CPSF1: variants seen among roughly 807,000 people sequenced by gnomAD.
CPSF1 encodes cleavage and polyadenylation specific factor 1.
Under a neutral mutation model 175.8 loss-of-function variants are expected in CPSF1, and 106 were observed. The observed-to-expected ratio is 0.60, with a 90% CI of 0.52 to 0.71. The LOEUF is 0.71. CPSF1 is among the 30% of genes least tolerant of loss of function. The pLI, the probability that CPSF1 is intolerant of heterozygous loss-of-function variation, is 0.00. For synonymous variants in CPSF1, 1,024 were observed against 858.3 expected, an observed-to-expected ratio of 1.19 and a Z score of -3.37; for missense variants, 1,734 against 2,022.9, an observed-to-expected ratio of 0.86 and a Z score of 2.74.
chr8:144,401,324 C>G, intron 4 of CPSF1, 33 bp from the exon 5 acceptor site: 1 of 1,595,568 alleles, frequency 6.3e-7, no homozygotes, highest in Non-Finnish European at 8.5e-7. Flanking sequence ...TGGCTGCCGA[C>G]TGCCGGTCCT....
Position 144,398,430 on chromosome 8 carries a change from C to G in CPSF1, c.1766G>C (p.Gly589Ala). 1 of 1,613,836 alleles carries G rather than the reference C, an allele frequency of 6.2e-7. No individual in the cohort carries two copies. Among genetic ancestry groups the G allele is most frequent in the Non-Finnish European group, 8.5e-7 (1 of 1,179,986 alleles). The change falls in exon 19 of 38, where the codon GGG (glycine) becomes GCG (alanine). Residue 589 changes from glycine to alanine, a missense_variant. Physicochemically the swap from Gly to Ala is moderately conservative, Grantham distance 60 (BLOSUM62 0). Around this residue, in one of 10 missense-constraint regions of CPSF1, gnomAD observed 280 missense variants for 349.2 expected, o/e 0.80. Transcript: ENST00000616140. ...GGTGTCCAGCTCCATGATCTCCTGC[C>G]CCGTCTGCAGGATCTGCGGGCGACA... ...REDSTMILQT[G>A]QEIMELDTSG...
chr8:144,401,410 CCACCAAGCCTACCA>C lies in CPSF1; in HGVS notation c.306+6_306+19del. ...CTCCCACGCCTTGGCCAGGCCTACCCCACCAAGCCTACCACTCACCTTGGCATCCTTGAAGCTTA... is the reference window on the plus strand; with the variant it reads ...CTCCCACGCCTTGGCCAGGCCTACCCCTCACCTTGGCATCCTTGAAGCTTA... On this transcript the variant is annotated splice_donor_region_variant and intron_variant, in intron 4 of 37. Coordinates refer to ENST00000616140, the MANE Select transcript of CPSF1 (RefSeq NM_013291.3). 6.2e-7 allele frequency: 1 copy of C among 1,613,780 alleles called. No homozygotes were observed. The highest frequency in any genetic ancestry group is 8.5e-7 in the Non-Finnish European group (1 of 1,179,874).
At chr8:144,398,476 C>T (rs2116850216) in intron 18 of CPSF1, 33 bp from the exon 19 acceptor site, 26 of 1,610,958 alleles carry the variant, frequency 1.6e-5, no homozygotes, top group East Asian at 6.7e-5. Context: ...AGGCGCCCCC[C>T]GCAGGGGACC....
intron 9 of CPSF1, 31 bp downstream of exon 9, chr8:144,400,135 G>GGGGGCCCCCCCCCCCCCCCCCCCCCCCC: frequency 1.2e-5 from 11 of 896,000 alleles, no homozygotes; most frequent in Non-Finnish European, 1.6e-5. Flanking sequence ...CCGTCCCCGG[G>GGGGGCCCCCCCCCCCCCCCCCCCCCCCC]CCCCCCCCGC....
In CPSF1 at chr8:144,396,811, C is replaced by T. The variant is rs1554863980; in HGVS notation, c.2682+29G>A. On this transcript the variant is annotated intron_variant, in intron 24 of 37. Transcript: ENST00000616140. Reference sequence around the variant, plus strand: ...ACCCACACCTTGTACCACACCCACCCCACGCCCCAGCAGTCCAGCCACTGG... The same window carrying T: ...ACCCACACCTTGTACCACACCCACCTCACGCCCCAGCAGTCCAGCCACTGG... The T allele has an allele frequency of 1.9e-6, 3 of 1,613,196 alleles. No homozygotes were observed. The African/African-American group carries it at 4.0e-5, about 22-fold the overall frequency.
rs1040728104 is a variant in CPSF1 at position 144,398,333 on chromosome 8, C to T, written c.1863G>A (p.Val621=). 5 of 1,443,708 alleles carry T rather than the reference C, an allele frequency of 3.5e-6. No individual in the cohort carries two copies. Among genetic ancestry groups the T allele is most frequent in the Non-Finnish European group, 3.7e-6 (4 of 1,067,768 alleles). 89.4% of individuals were successfully genotyped at this position (1,443,708 alleles called of 1,614,324 possible). Reference sequence around the variant, plus strand: ...CCAGCAGGCGGATGCCCAGTGGTGACACTTGGACAATGTAGCGGTTGTCCC... The same window carrying T: ...CCAGCAGGCGGATGCCCAGTGGTGATACTTGGACAATGTAGCGGTTGTCCC... ...NIGDNRYIVQ[V]SPLGIRLLEG... Residue 621 remains valine, a synonymous_variant, in exon 19 of 38, where the codon GTG becomes GTA. Coordinates refer to ENST00000616140, the MANE Select transcript of CPSF1 (RefSeq NM_013291.3).
At position 144,399,458 on chromosome 8, in the gene CPSF1, A is replaced by G; in HGVS notation, c.1288T>C (p.Trp430Arg). Reference protein sequence around the residue: ...KKKRVDATAGWSAAGKSVPQD... With the variant: ...KKKRVDATAGRSAAGKSVPQD... ...GCCCTGGACCGGCCCTCACCTGACCAGCCGGCCGTCGCATCCACTCGCTTC... is the reference window on the plus strand; with the variant it reads ...GCCCTGGACCGGCCCTCACCTGACCGGCCGGCCGTCGCATCCACTCGCTTC... The change falls in exon 13 of 38, where the codon TGG (tryptophan) becomes CGG (arginine). Residue 430 changes from tryptophan (W) to arginine (R), a missense_variant. Trp to Arg is a moderately radical substitution (Grantham distance 101, BLOSUM62 -3). This residue lies in a region of CPSF1 where 162 missense variants were observed against 169.5 expected (regional missense o/e 0.96). Coordinates refer to ENST00000616140, the MANE Select transcript of CPSF1 (RefSeq NM_013291.3). The surrounding 1 kb of genome is among the most constrained non-coding windows in gnomAD (Gnocchi z 6.4). The G allele has an allele frequency of 1.2e-6, 2 of 1,612,944 alleles. No homozygotes were observed. Among genetic ancestry groups the G allele is most frequent in the Non-Finnish European group, 1.7e-6 (2 of 1,179,966 alleles).
At chr8:144,407,060 G>A (rs1821535862) in intron 2 of CPSF1, among the ~76,000 whole-genome samples, 1 of 151,924 alleles carries the variant, frequency 6.6e-6, no homozygotes, top group African/African-American at 2.4e-5. Flanking sequence ...GATTACAGAT[G>A]CCTGCCACCA....
Position 144,393,708 on chromosome 8 carries a change from G to A in CPSF1, c.4104C>T (p.Thr1368=). The change falls in exon 36 of 38, where the codon ACC becomes ACT. Residue 1368 remains threonine (T), a synonymous_variant. Transcript: ENST00000616140. ...TGAGGCCGGCGTGGTGTGGCAGCAT[G>A]GTGGTCAGCGCGTTCTGCAGCATCA... ...RLLMLQNALT[T]MLPHHAGLNP... 4 of 1,566,948 alleles carry A rather than the reference G, an allele frequency of 2.6e-6. No individual in the cohort carries two copies. The highest frequency in any genetic ancestry group is 1.3e-5 in the African/African-American group (1 of 74,578).
chr8:144,398,132 A>C lies in CPSF1; in HGVS notation c.1895T>G (p.Val632Gly). 1 of 1,564,284 alleles carries C rather than the reference A, an allele frequency of 6.4e-7. No individual in the cohort carries two copies. The highest frequency in any genetic ancestry group is 8.7e-7 in the Non-Finnish European group (1 of 1,151,764). The change falls in exon 20 of 38, where the codon GTG becomes GGG. Residue 632 changes from valine (V) to glycine (G), a missense_variant and splice_region_variant. Val to Gly is a moderately radical substitution (Grantham distance 109). Around this residue, in one of 10 missense-constraint regions of CPSF1, gnomAD observed 280 missense variants for 349.2 expected, o/e 0.80. Coordinates refer to ENST00000616140, the MANE Select transcript of CPSF1 (RefSeq NM_013291.3). Reference protein sequence around the residue: ...SPLGIRLLEGVNQLHFIPVDL... With the variant: ...SPLGIRLLEGGNQLHFIPVDL... The stretch of plus-strand genomic sequence containing the variant: ...CACGGGGATGAAGTGCAGCTGATTC[A>C]CTGTAGGCATGGGGCAGTCAGCATG...
chr8:144,393,902 ATTC>A lies in CPSF1; in HGVS notation c.3993_3995del (p.Glu1331_Asn1332delinsAsp). On this transcript the variant is annotated inframe_deletion, in exon 35 of 38. Transcript: ENST00000616140. ...ACTCACCAAACCACGTGATGTGCTT[ATTC>A]TCCCACACGACCGACTTTTTGCTGA... 1 of 1,612,250 alleles carries A rather than the reference ATTC, an allele frequency of 6.2e-7. No homozygotes were observed. Among genetic ancestry groups the A allele is most frequent in the Non-Finnish European group, 8.5e-7 (1 of 1,179,330 alleles).
At chr8:144,401,188 C>A (rs2116882341) in intron 5 of CPSF1, 23 bp downstream of exon 5, 49 of 524,916 alleles carry the variant, frequency 9.3e-5, no homozygotes, top group Non-Finnish European at 1.6e-4. Context: ...GGGGCCTGGG[C>A]GGGGGCGGGA....
At position 144,393,811 on chromosome 8, in the gene CPSF1, G is replaced by A. The variant is rs782075790; in HGVS notation, c.4016-15C>T. 10 of 1,600,764 alleles carry A rather than the reference G, an allele frequency of 6.2e-6. No homozygotes were observed. The highest frequency in any genetic ancestry group is 1.1e-5 in the South Asian group (1 of 90,318). On this transcript the variant is annotated splice_polypyrimidine_tract_variant and intron_variant, in intron 35 of 37. Transcript: ENST00000616140. ...GTCCAGGGTGGCTGGCAGGGGTAGG[G>A]TGAGGGTTTTGGTGTGAGCCAGGCC...
In CPSF1 at chr8:144,397,089, G is replaced by A. The variant is rs900555290; in HGVS notation, c.2592+118C>T. On this transcript the variant is annotated intron_variant, in intron 23 of 37. Transcript: ENST00000616140. ...TGTGAGGGAGATGGGGTGGAGCCAC[G>A]GGAAGGGGCGGGGCCGTGGGGGAGA... The A allele has an allele frequency of 3.2e-4, 346 of 1,084,942 alleles. 2 individuals are homozygous for A. The highest frequency in any genetic ancestry group is 4.1e-4 in the Non-Finnish European group (310 of 761,656). The allele number at this position is 1,084,942 out of a possible 1,614,324, so 67.2% of individuals were successfully genotyped here.
chr8:144,396,260 G>T, intron 26 of CPSF1, 88 bp downstream of exon 26: 2 of 1,352,542 alleles, frequency 1.5e-6, no homozygotes, highest in Non-Finnish European at 2.0e-6. Flanking sequence ...TCAGGGTGGA[G>T]CCAATGGTCC....
rs2116851772 is a variant in CPSF1 at position 144,398,519 on chromosome 8, C to G, written c.1752+6G>C. 6.2e-7 allele frequency: 1 copy of G among 1,613,786 alleles called. No homozygotes were observed. Among genetic ancestry groups the G allele is most frequent in the South Asian group, 1.1e-5 (1 of 91,076 alleles). ...CAGGTCCCAGGTCCCAGGCCCTGCC[C>G]CTCACCATGGTGGAGTCTTCCCGGC... On this transcript the variant is annotated splice_donor_region_variant and intron_variant, in intron 18 of 37. Coordinates refer to ENST00000616140, the MANE Select transcript of CPSF1 (RefSeq NM_013291.3).
At position 144,400,703 on chromosome 8, in the gene CPSF1, G is replaced by C. The variant is rs1026357743; in HGVS notation, c.654C>G (p.Leu218=). The change falls in exon 7 of 38, where the codon CTC becomes CTG. Residue 218 remains leucine, a synonymous_variant. Coordinates refer to ENST00000616140, the MANE Select transcript of CPSF1 (RefSeq NM_013291.3). ...AGGTCTGGTTGGGCTCAAACAGGAT[G>C]AGGAGGGTAGGCTCGTAGTAGCCAT... The part of the protein sequence containing the change: ...FLHGYYEPTL[L]ILFEPNQTWP... 6.2e-7 allele frequency: 1 copy of C among 1,611,162 alleles called. No individual in the cohort carries two copies. The highest frequency in any genetic ancestry group is 8.5e-7 in the Non-Finnish European group (1 of 1,178,820).
In CPSF1 at chr8:144,394,320, G is replaced by A. The variant is rs566253901; in HGVS notation, c.3745-20C>T. On this transcript the variant is annotated intron_variant, in intron 32 of 37. Coordinates refer to ENST00000616140, the MANE Select transcript of CPSF1 (RefSeq NM_013291.3). ...GGCATCCTGGGGGCGGGAAGGGGGC[G>A]TCAGAGGTGCCTTGGGCGGGTACCC... The A allele has an allele frequency of 2.1e-5, 33 of 1,585,094 alleles. No individual in the cohort carries two copies. The highest frequency in any genetic ancestry group is 9.4e-5 in the African/African-American group (7 of 74,480).
Position 144,401,054 on chromosome 8 carries a change from G to A in CPSF1, c.409C>T (p.His137Tyr). Reference protein sequence around the residue: ...ELRDGFVQNVHTPRVRVDPDG... With the variant: ...ELRDGFVQNVYTPRVRVDPDG... Reference sequence around the variant, plus strand: ...GGGTCCACCCGCACTCGCGGCGTGTGTACATTCTGCACAAACCCGTCCTGG... The same window carrying A: ...GGGTCCACCCGCACTCGCGGCGTGTATACATTCTGCACAAACCCGTCCTGG... The change falls in exon 6 of 38, where the codon CAC (histidine) becomes TAC (tyrosine). Residue 137 changes from histidine to tyrosine, a missense_variant. By Grantham distance (83) the His-to-Tyr change is moderately conservative. This residue lies in a region of CPSF1 where 122 missense variants were observed against 177.2 expected (regional missense o/e 0.69). Transcript: ENST00000616140. 6.2e-7 allele frequency: 1 copy of A among 1,607,808 alleles called. No individual in the cohort carries two copies. Among genetic ancestry groups the A allele is most frequent in the Non-Finnish European group, 8.5e-7 (1 of 1,176,706 alleles).
Sources: gnomAD v4.1 joint callset for allele counts (sites outside exome capture counted in the v4.1 genomes callset) on GRCh38, gnomAD v4.1.1 for gene constraint, gnomAD v4.1.1 regional missense constraint, Gnocchi (gnomAD v3.1) non-coding constraint, MANE v1.5 for transcripts, NCBI Gene and HGNC (gene_info 2026-07-23, HGNC 2026-07-21) for gene names.